Variants in GPC5 observed in about 807,000 individuals in gnomAD.
GPC5 encodes the protein glypican-5.
A neutral mutation model predicts 53.9 loss-of-function variants in GPC5; 47 were observed. The ratio of observed to expected loss-of-function variants is 0.87; its 90% CI spans 0.69 to 1.11. The LOEUF (loss-of-function observed/expected upper bound fraction) is 1.11. Among genes scored for constraint, GPC5 ranks in the 50% most tolerant of loss-of-function variants. GPC5 has a pLI of 0.00. For synonymous variants in GPC5, 286 were observed against 263.3 expected, an observed-to-expected ratio of 1.09 and a Z score of -0.84; for missense variants, 748 against 713.1, an observed-to-expected ratio of 1.05 and a Z score of -0.56.
chr13:92,281,991 A>C (rs61966610), intron 7 of GPC5, among the ~76,000 whole-genome samples: 11,312 of 152,196 alleles, frequency 0.074, 549 homozygotes, highest in African/African-American at 0.13. Context: ...AGAAGCTAAA[A>C]ACCTTGAAAA....
At chr13:92,050,492 A>G (rs2041018790) in intron 6 of GPC5, among the ~76,000 whole-genome samples, 1 of 152,168 alleles carries the variant, frequency 6.6e-6, no homozygotes, top group African/African-American at 2.4e-5. Context: ...CTTGAATCTG[A>G]ACATGCAAAA....
intron 7 of GPC5, among the ~76,000 whole-genome samples, chr13:92,359,351 C>T (rs1425565223): frequency 1.3e-5 from 2 of 151,796 alleles, no homozygotes; most frequent in Non-Finnish European, 2.9e-5. Context: ...GTCCATATCA[C>T]TATCAGCATT....
intron 2 of GPC5, among the ~76,000 whole-genome samples, chr13:91,594,621 CT>C (rs1566537213): frequency 2.4e-5 from 1 of 42,542 alleles, no homozygotes; most frequent in Admixed American, 4.4e-4. Context: ...GTTTCTTTTT[CT>C]TTTTGTTTTT....
rs114481528 is a variant in GPC5 at position 92,342,458 on chromosome 13, C to T, written c.1561+197469C>T. ...GGAGGTGTTTGAGTCATGAGTCCTC[C>T]GCCCTCATGAATGAGATTAGTGTCC... On this transcript the variant is annotated intron_variant, in intron 7 of 7. Transcript: ENST00000377067. 6.1e-3 allele frequency among the ~76,000 whole-genome samples: 930 copies of T among 152,054 alleles called. 13 individuals are homozygous for T. The highest frequency in any genetic ancestry group is 0.018 in the African/African-American group (761 of 41,474).
intron 7 of GPC5, among the ~76,000 whole-genome samples, chr13:92,202,634 T>C (rs2042303564): frequency 6.6e-6 from 1 of 152,192 alleles, no homozygotes; most frequent in South Asian, 2.1e-4. Flanking sequence ...CCACAGGCAG[T>C]TTTAGTGCCC....
chr13:91,571,302 A>G (rs2031768939), intron 2 of GPC5, among the ~76,000 whole-genome samples: 2 of 152,264 alleles, frequency 1.3e-5, no homozygotes, highest in Non-Finnish European at 2.9e-5. Flanking sequence ...AGATAGAGGA[A>G]AAATGATTTT....
chr13:91,785,861 C>A (rs748147388), intron 5 of GPC5, among the ~76,000 whole-genome samples: 1 of 152,182 alleles, frequency 6.6e-6, no homozygotes, highest in Admixed American at 6.6e-5. Context: ...GATTTCTGAA[C>A]TTATGCTGAG....
At chr13:91,751,999 A>C (rs1444775731) in intron 4 of GPC5, among the ~76,000 whole-genome samples, 1 of 152,160 alleles carries the variant, frequency 6.6e-6, no homozygotes, top group Admixed American at 6.5e-5. Context: ...CTGGGGTTGA[A>C]AGGTTCAAGA....
intron 1 of GPC5, among the ~76,000 whole-genome samples, chr13:91,399,452 G>A (rs899934511): frequency 6.6e-6 from 1 of 152,296 alleles, no homozygotes; most frequent in Admixed American, 6.5e-5. Context: ...CTTCCCGCCC[G>A]GCTCCCTTCG....
intron 7 of GPC5, among the ~76,000 whole-genome samples, chr13:92,757,360 C>T (rs886593573): frequency 3.7e-4 from 56 of 152,252 alleles, no homozygotes; most frequent in Middle Eastern, 3.4e-3. Context: ...AAATGTTAGA[C>T]CTAAAACCAT....
At chr13:92,771,579 G>A (rs191228871) in intron 7 of GPC5, among the ~76,000 whole-genome samples, 1 of 151,960 alleles carries the variant, frequency 6.6e-6, no homozygotes, top group Non-Finnish European at 1.5e-5. Flanking sequence ...TCCTGACCTC[G>A]TGATCCACCT....
In GPC5 at chr13:92,004,458, T is replaced by TTTTATATA. The variant is rs1491510192; in HGVS notation, c.1401+96402_1401+96403insTTATATAT. Among the ~76,000 whole-genome samples, 49 of 82,490 alleles carry TTTTATATA rather than the reference T, an allele frequency of 5.9e-4. 1 individual carries two copies. The highest frequency in any genetic ancestry group is 2.8e-3 in the African/African-American group (48 of 17,212). The allele number at this position is 82,490 out of a possible 152,430, so 54.1% of individuals were successfully genotyped here. A position where few individuals can be genotyped will look rare whatever the true frequency, so the allele number is the denominator to read the frequency against. On this transcript the variant is annotated intron_variant, in intron 6 of 7. Transcript: ENST00000377067. ...GACTCCGTCTCAAAAAAAAAAAAAATTATATATATATATATATATATATAT... is the reference window on the plus strand; with the variant it reads ...GACTCCGTCTCAAAAAAAAAAAAAATTTTATATATATATATATATATATATATATATAT...
chr13:91,437,035 G>T (rs1594088783), intron 1 of GPC5, among the ~76,000 whole-genome samples: 1 of 151,976 alleles, frequency 6.6e-6, no homozygotes, highest in East Asian at 1.9e-4. Flanking sequence ...TTTTCCATTT[G>T]CTTGTTAGAT....
At chr13:91,931,202 G>A (rs1465599214) in intron 6 of GPC5, among the ~76,000 whole-genome samples, 2 of 151,960 alleles carry the variant, frequency 1.3e-5, no homozygotes, top group East Asian at 3.9e-4. Context: ...CACTTCTGAG[G>A]CATTCCTGCA....
At chr13:92,455,685 C>A (rs1878237636) in intron 7 of GPC5, among the ~76,000 whole-genome samples, 1 of 152,128 alleles carries the variant, frequency 6.6e-6, no homozygotes. Flanking sequence ...AATTTAAAAA[C>A]ACTTTTACTT....
At chr13:92,371,402 C>T (rs2043648858) in intron 7 of GPC5, among the ~76,000 whole-genome samples, 1 of 151,872 alleles carries the variant, frequency 6.6e-6, no homozygotes, top group African/African-American at 2.4e-5. Context: ...ATCTGGTGGG[C>T]CCAGTGTAAT....
chr13:92,533,283 G>T (rs1008176761), intron 7 of GPC5, among the ~76,000 whole-genome samples: 1 of 152,020 alleles, frequency 6.6e-6, no homozygotes, highest in Non-Finnish European at 1.5e-5. Context: ...CATACTGTAG[G>T]TTTTGTATGT....
rs567529086 is a variant in GPC5 at position 91,816,081 on chromosome 13, G to A, written c.1280+59661G>A. Among the ~76,000 whole-genome samples the A allele has an allele frequency of 1.1e-4, 16 of 152,214 alleles. No homozygotes were observed. The South Asian group carries it at 2.3e-3, about 22-fold the overall frequency. Reference sequence around the variant, plus strand: ...GCTGTGATCCTCAGAGAGATGAGAGGGAGAGATCAGTAAGGCCTACTTTAG... The same window carrying A: ...GCTGTGATCCTCAGAGAGATGAGAGAGAGAGATCAGTAAGGCCTACTTTAG... On this transcript the variant is annotated intron_variant, in intron 5 of 7. Coordinates refer to ENST00000377067, the MANE Select transcript of GPC5 (RefSeq NM_004466.6).
At chr13:92,835,841 C>T (rs953317731) in intron 7 of GPC5, among the ~76,000 whole-genome samples, 1 of 151,912 alleles carries the variant, frequency 6.6e-6, no homozygotes, top group African/African-American at 2.4e-5. Flanking sequence ...TGCCTGTATC[C>T]CCATCAGCAA....
Sources: allele counts gnomAD v4.1 joint callset (sites outside exome capture counted in the v4.1 genomes callset), GRCh38; gene constraint gnomAD v4.1.1; transcripts MANE v1.5; gene names NCBI Gene and HGNC (gene_info 2026-07-23, HGNC 2026-07-21).